Variants in IGFN1 observed in about 807,000 individuals in gnomAD.
The protein encoded by IGFN1 is immunoglobulin-like and fibronectin type III domain-containing protein 1.
Under a neutral mutation model 289.5 loss-of-function variants are expected in IGFN1, and 253 were observed. The observed-to-expected ratio is 0.87, with a 90% confidence interval of 0.79 to 0.97. The LOEUF (loss-of-function observed/expected upper bound fraction) is 0.97, where lower values mean the gene tolerates loss of function less well. IGFN1 is among the 50% of genes least tolerant of loss of function. The pLI is 0.00. For synonymous variants in IGFN1, 1,706 were observed against 1,788.5 expected (o/e 0.95, Z 1.16); for missense variants, 4,470 against 4,686.1 (o/e 0.95, Z 1.35).
Position 201,207,389 on chromosome 1 carries a change from A to C in IGFN1, c.2496A>C (p.Ile832=). The change falls in exon 12 of 24, where the codon ATA becomes ATC. Residue 832 remains isoleucine (I), a synonymous_variant. Coordinates refer to ENST00000335211, the MANE Select transcript of IGFN1 (RefSeq NM_001164586.2). ...GAGCAGCAGGGGGTATTGGCAGAAT[A>C]GAATCTAAGGGCACAAGTCCTTGGG... ...GHRAAGGIGR[I]ESKGTSPWDD... 6.5e-7 allele frequency: 1 copy of C among 1,536,310 alleles called. No individual in the cohort carries two copies. Among genetic ancestry groups the C allele is most frequent in the East Asian group, 2.4e-5 (1 of 40,914 alleles).
intron 11 of IGFN1, among the ~76,000 whole-genome samples, 154 bp downstream of exon 11, chr1:201,205,508 A>G (rs1458015730): frequency 5.9e-5 from 9 of 152,210 alleles, no homozygotes; most frequent in Non-Finnish European, 1.2e-4. Flanking sequence ...GCAGACCTTC[A>G]TGGCCAACCC....
Position 201,228,491 on chromosome 1 carries a change from G to C in IGFN1, c.*92G>C. The C allele has an allele frequency of 7.3e-7, 1 of 1,362,158 alleles. No homozygotes were observed. The highest frequency in any genetic ancestry group is 1.2e-5 in the South Asian group (1 of 86,152). The allele number at this position is 1,362,158 out of a possible 1,614,324, so 84.4% of individuals were successfully genotyped here. ...GAAGCCAATCCCAAGGATGGAGGCT[G>C]TGCCCAGAGCCCCAGGAAAATGGGA... On this transcript the variant is annotated 3_prime_UTR_variant, in exon 24 of 24. Coordinates refer to ENST00000335211, the MANE Select transcript of IGFN1 (RefSeq NM_001164586.2).
chr1:201,201,857 G>T, intron 9 of IGFN1, 25 bp downstream of exon 9: 1 of 957,688 alleles, frequency 1.0e-6, no homozygotes, highest in Non-Finnish European at 1.7e-6. Flanking sequence ...GCTATGGGTG[G>T]GGGGGATCTG....
intron 20 of IGFN1, chr1:201,223,130 T>A (rs1316444860): frequency 4.2e-6 from 1 of 237,998 alleles, no homozygotes; most frequent in East Asian, 8.8e-5. Flanking sequence ...TCTCCACCTC[T>A]CCTAGTCTGG....
chr1:201,197,132 T>G, intron 4 of IGFN1, 86 bp from the exon 5 acceptor site: 1 of 800,960 alleles, frequency 1.2e-6, no homozygotes, highest in Non-Finnish European at 2.1e-6. Flanking sequence ...TCTTACTCAC[T>G]TTATACCCCC....
chr1:201,203,689 G>A, intron 9 of IGFN1, 49 bp from the exon 10 acceptor site: 1 of 1,524,024 alleles, frequency 6.6e-7, no homozygotes, highest in Non-Finnish European at 8.9e-7. Flanking sequence ...GGGGCAGGAA[G>A]CACTGAGGAC....
rs1667426876 is a variant in IGFN1, at chr1:201,206,460, C to T, written c.1567C>T (p.His523Tyr). Residue 523 changes from histidine to tyrosine, a missense_variant, in exon 12 of 24, where the codon CAT (histidine) becomes TAT (tyrosine). Around this residue, in one of 8 missense-constraint regions of IGFN1, gnomAD observed 2,011 missense variants for 1,953.4 expected, o/e 1.03. Coordinates refer to ENST00000335211, the MANE Select transcript of IGFN1 (RefSeq NM_001164586.2). Reference protein sequence around the residue: ...GWARSLAERPHLQGESSESGL... With the variant: ...GWARSLAERPYLQGESSESGL... ...GGCCAGAAGCCTTGCAGAGAGGCCC[C>T]ATCTACAGGGAGAGAGCTCAGAATC... is the stretch of plus-strand genomic sequence containing the variant. 3 of 1,551,270 alleles carry T rather than the reference C, an allele frequency of 1.9e-6. No homozygotes were observed. The Admixed American group carries it at 5.9e-5, about 30-fold the overall frequency.
rs371058719 is a variant in IGFN1, at chr1:201,225,923, C to T, written c.10586C>T (p.Pro3529Leu). The T allele has an allele frequency of 3.1e-5, 49 of 1,606,270 alleles. No individual in the cohort carries two copies. In the African/African-American group the frequency reaches 4.3e-4, roughly 14 times the overall value. Residue 3529 changes from proline to leucine, a missense_variant, in exon 22 of 24, where the codon CCG becomes CTG. Physicochemically the swap from Pro to Leu is moderately conservative, Grantham distance 98. This residue lies in a region of IGFN1 where 2,218 missense variants were observed against 2,114.1 expected (regional missense o/e 1.05). Transcript: ENST00000335211. ...TCTCCTGACGAGGCCCAGGATGTCC[C>T]GCTGCACTACGCGGTGTTCACACGC... is the stretch of plus-strand genomic sequence containing the variant. ...EPSPDEAQDV[P>L]LHYAVFTRSS...
chr1:201,208,819 G>T lies in IGFN1; in HGVS notation c.3926G>T (p.Gly1309Val), dbSNP rs917187710. Reference protein sequence around the residue: ...GSGSKADYRDGVGGSGAMGSM... With the variant: ...GSGSKADYRDVVGGSGAMGSM... ...GGGAGCAAGGCAGATTATAGGGATG[G>T]TGTAGGGGGTTCTGGGGCAATGGGG... The change falls in exon 12 of 24, where the codon GGT (glycine) becomes GTT (valine). Residue 1309 changes from glycine (G) to valine (V), a missense_variant. By Grantham distance (109) the Gly-to-Val change is moderately radical. Around this residue, in one of 8 missense-constraint regions of IGFN1, gnomAD observed 2,011 missense variants for 1,953.4 expected, o/e 1.03. Transcript: ENST00000335211. The T allele has an allele frequency of 1.3e-6, 2 of 1,536,716 alleles. No homozygotes were observed. Among genetic ancestry groups the T allele is most frequent in the Middle Eastern group, 1.7e-4 (1 of 5,986 alleles).
At position 201,204,993 on chromosome 1, in the gene IGFN1, C is replaced by T. The variant is rs534100902; in HGVS notation, c.917-89C>T. On this transcript the variant is annotated intron_variant, in intron 10 of 23. Coordinates refer to ENST00000335211, the MANE Select transcript of IGFN1 (RefSeq NM_001164586.2). ...GAGTTTGTGGCTGAGCTGGTCTAAG[C>T]CAGGATTTCTGAATGGCCAGCCTTG... The T allele has an allele frequency of 4.4e-6, 6 of 1,357,786 alleles. No homozygotes were observed. The East Asian group carries it at 7.6e-5, about 17-fold the overall frequency. The allele number at this position is 1,357,786 out of a possible 1,614,324, so 84.1% of individuals were successfully genotyped here.
chr1:201,226,275 C>G, intron 22 of IGFN1, 152 bp downstream of exon 22: 4 of 891,820 alleles, frequency 4.5e-6, no homozygotes. Flanking sequence ...CCCCGAGCTG[C>G]TGCTCCTCCC....
rs1191514462 is a variant in IGFN1, at chr1:201,224,775, A to G, written c.10387A>G (p.Ile3463Val). 2 of 1,614,092 alleles carry G rather than the reference A, an allele frequency of 1.2e-6. No homozygotes were observed. Among genetic ancestry groups the G allele is most frequent in the Non-Finnish European group, 1.7e-6 (2 of 1,179,980 alleles). Reference sequence around the variant, plus strand: ...TAAGGATGGCCTCACCCAGCTTCTGATCCCTGTGGCTGGACTCTCAGACAG... The same window carrying G: ...TAAGGATGGCCTCACCCAGCTTCTGGTCCCTGTGGCTGGACTCTCAGACAG... ...VTKDGLTQLL[I>V]PVAGLSDSGL... The change falls in exon 21 of 24, where the codon ATC (isoleucine) becomes GTC (valine). Residue 3463 changes from isoleucine (I) to valine (V), a missense_variant. Ile to Val is a conservative substitution (Grantham distance 29). Transcript: ENST00000335211.
chr1:201,217,339 C>A lies in IGFN1; in HGVS notation c.9648C>A (p.Gly3216=). 6.2e-7 allele frequency: 1 copy of A among 1,614,180 alleles called. No homozygotes were observed. The highest frequency in any genetic ancestry group is 1.1e-5 in the South Asian group (1 of 91,084). The part of the protein sequence containing the change: ...APAILSASSQ[G]ITLTWTAPRG... ...CCATCCTGTCGGCCTCCAGCCAGGG[C>A]ATCACACTGACATGGACAGCACCTC... Residue 3216 remains glycine, a synonymous_variant, in exon 17 of 24, where the codon GGC becomes GGA. Transcript: ENST00000335211.
intron 19 of IGFN1, among the ~76,000 whole-genome samples, chr1:201,221,961 T>G (rs1653767725): frequency 6.6e-6 from 1 of 152,226 alleles, no homozygotes; most frequent in Non-Finnish European, 1.5e-5. Flanking sequence ...ACTACAATAT[T>G]AATGTTTTTA....
Position 201,217,309 on chromosome 1 carries a change from G to C in IGFN1, c.9618G>C (p.Ala3206=). The stretch of plus-strand genomic sequence containing the variant: ...CAGCTCTCCCCAAGGCCCCTTCCGC[G>C]CCAGCCATCCTGTCGGCCTCCAGCC... ...APEALPKAPS[A]PAILSASSQG... is the part of the protein sequence containing the mutation. Residue 3206 remains alanine, a synonymous_variant, in exon 17 of 24, where the codon GCG becomes GCC. Coordinates refer to ENST00000335211, the MANE Select transcript of IGFN1 (RefSeq NM_001164586.2). 1.2e-6 allele frequency: 2 copies of C among 1,613,974 alleles called. No individual in the cohort carries two copies. The highest frequency in any genetic ancestry group is 8.5e-7 in the Non-Finnish European group (1 of 1,179,992).
In IGFN1 at chr1:201,190,896, C is replaced by CT. The variant is rs1666626700; in HGVS notation, c.-58dup. On this transcript the variant is annotated 5_prime_UTR_variant, in exon 1 of 24. Transcript: ENST00000335211. ...GAGCAGACAGGAAGCGGGAGGTCAG[C>CT]TGTACACCCAGGTAAGTGGGTGCTC... The CT allele has an allele frequency of 1.3e-5, 2 of 152,530 alleles. No individual in the cohort carries two copies. The highest frequency in any genetic ancestry group is 4.8e-5 in the African/African-American group (2 of 41,432). 9.4% of individuals were successfully genotyped at this position (152,530 alleles called of 1,614,324 possible). A position where few individuals can be genotyped will look rare whatever the true frequency, so the allele number is the denominator to read the frequency against.
At position 201,209,809 on chromosome 1, in the gene IGFN1, G is replaced by A; in HGVS notation, c.4916G>A (p.Arg1639Lys). ...GGGTCAGTGAATAAGGCAGGTTATA[G>A]GAAGGATTTGGGGGCTCCTAAGGGA... ...EMGSVNKAGYRKDLGAPKGIG... is the reference protein window; with the variant it reads ...EMGSVNKAGYKKDLGAPKGIG... Residue 1639 changes from arginine to lysine, a missense_variant, in exon 12 of 24, where the codon AGG (arginine) becomes AAG (lysine). This residue lies in a region of IGFN1 where 31 missense variants were observed against 121.0 expected (regional missense o/e 0.26). Coordinates refer to ENST00000335211, the MANE Select transcript of IGFN1 (RefSeq NM_001164586.2). 1 of 1,479,718 alleles carries A rather than the reference G, an allele frequency of 6.8e-7. No individual in the cohort carries two copies. The highest frequency in any genetic ancestry group is 9.1e-7 in the Non-Finnish European group (1 of 1,103,774). 91.7% of individuals were successfully genotyped at this position (1,479,718 alleles called of 1,614,324 possible).
In IGFN1 at chr1:201,206,563, G is replaced by A. The variant is rs2102333523; in HGVS notation, c.1670G>A (p.Gly557Glu). Residue 557 changes from glycine to glutamate, a missense_variant, in exon 12 of 24, where the codon GGA becomes GAA. By Grantham distance (98) the Gly-to-Glu change is moderately conservative. Transcript: ENST00000335211. ...SNSDECWRKA[G>E]GWEAGSSRLQ... is the part of the protein sequence containing the mutation. ...AGTGATGAATGCTGGAGGAAAGCAG[G>A]AGGCTGGGAGGCTGGGTCCAGTCGG... The A allele has an allele frequency of 6.5e-7, 1 of 1,550,176 alleles. No individual in the cohort carries two copies. Among genetic ancestry groups the A allele is most frequent in the South Asian group, 1.2e-5 (1 of 84,062 alleles).
Position 201,215,117 on chromosome 1 carries a change from T to C in IGFN1, c.8958T>C (p.Ala2986=). The change falls in exon 14 of 24, where the codon GCT becomes GCC. Residue 2986 remains alanine, a synonymous_variant. Coordinates refer to ENST00000335211, the MANE Select transcript of IGFN1 (RefSeq NM_001164586.2). ...GTQAGRYTFV[A]GDQQSEATLT... is the part of the protein sequence containing the mutation. ...AAGCTGGGAGGTACACCTTTGTAGC[T>C]GGTGACCAGCAGAGCGAGGCCACCC... 4.3e-6 allele frequency: 7 copies of C among 1,613,968 alleles called. No homozygotes were observed. The highest frequency in any genetic ancestry group is 5.9e-6 in the Non-Finnish European group (7 of 1,180,030).
Sources: allele counts gnomAD v4.1 joint callset (sites outside exome capture counted in the v4.1 genomes callset), GRCh38; gene constraint gnomAD v4.1.1; regional missense constraint gnomAD v4.1.1; transcripts MANE v1.5; gene names NCBI Gene and HGNC (gene_info 2026-07-23, HGNC 2026-07-21).